NTM: variants seen among roughly 807,000 people sequenced by gnomAD.
NTM encodes the protein neurotrimin.
A neutral mutation model predicts 42.1 loss-of-function variants in NTM; 13 were observed. The ratio of observed to expected loss-of-function variants is 0.31; its 90% CI spans 0.20 to 0.49. NTM has a LOEUF of 0.49. Ranked by LOEUF, NTM falls within the 20% of genes least tolerant of loss-of-function variation. NTM has a pLI of 0.99. For synonymous variants in NTM, 187 were observed against 179.2 expected (o/e 1.04, Z -0.35); for missense variants, 373 against 452.8 (o/e 0.82, Z 1.60).
intron 2 of NTM, among the ~76,000 whole-genome samples, chr11:132,072,047 T>G (rs1330581866): frequency 6.6e-6 from 1 of 152,148 alleles, no homozygotes; most frequent in African/African-American, 2.4e-5. Context: ...AGTCTACTGG[T>G]ATGTTTCCTA....
chr11:131,603,453 C>A (rs557823353), intron 1 of NTM, among the ~76,000 whole-genome samples: 1 of 152,080 alleles, frequency 6.6e-6, no homozygotes, highest in African/African-American at 2.4e-5. Flanking sequence ...GTTTGAGTAG[C>A]GTGGCTTCCG....
At chr11:131,452,088 C>G (rs902496325) in intron 1 of NTM, among the ~76,000 whole-genome samples, 1 of 152,204 alleles carries the variant, frequency 6.6e-6, no homozygotes, top group Non-Finnish European at 1.5e-5. Flanking sequence ...TGGATTTGCA[C>G]CTGGGGCACA....
chr11:131,810,796 G>A (rs2092702566), intron 1 of NTM, among the ~76,000 whole-genome samples: 1 of 152,178 alleles, frequency 6.6e-6, no homozygotes, highest in Non-Finnish European at 1.5e-5. Flanking sequence ...GGATTGCCTA[G>A]TCAGCTCAGT....
chr11:131,795,045 G>T (rs2091402750), intron 1 of NTM: 1 of 919,198 alleles, frequency 1.1e-6, no homozygotes, highest in Admixed American at 6.2e-5. Context: ...CCAAAGGGGG[G>T]GAAAAAAACA....
At chr11:131,999,808 C>A (rs1263421767) in intron 2 of NTM, among the ~76,000 whole-genome samples, 2 of 152,138 alleles carry the variant, frequency 1.3e-5, no homozygotes, top group Non-Finnish European at 2.9e-5. Context: ...CTGATCAAAG[C>A]ATTCATTAAA....
At chr11:132,287,350 C>G (rs1343404969) in intron 4 of NTM, among the ~76,000 whole-genome samples, 3 of 152,166 alleles carry the variant, frequency 2.0e-5, no homozygotes, top group African/African-American at 7.2e-5. Context: ...ACATTGAGCT[C>G]AGGACCCGGA....
intron 1 of NTM, among the ~76,000 whole-genome samples, chr11:131,844,336 A>C (rs890046586): frequency 4.6e-5 from 7 of 151,756 alleles, no homozygotes; most frequent in Non-Finnish European, 8.8e-5. Context: ...CTGTTGGTTC[A>C]TTTGTCTTTC....
chr11:131,395,948 A>AG (rs1236405968), intron 1 of NTM, among the ~76,000 whole-genome samples: 2 of 152,208 alleles, frequency 1.3e-5, no homozygotes, highest in African/African-American at 4.8e-5. Flanking sequence ...CTCAAGCAAC[A>AG]ACCTGTGAGA....
chr11:131,820,322 G>A (rs1187155707), intron 1 of NTM, among the ~76,000 whole-genome samples: 2 of 152,144 alleles, frequency 1.3e-5, no homozygotes, highest in Non-Finnish European at 2.9e-5. Flanking sequence ...GTGGAGAGCA[G>A]GAGTCCTCCA....
At chr11:131,469,073 G>T (rs1315831710) in intron 1 of NTM, among the ~76,000 whole-genome samples, 1 of 152,162 alleles carries the variant, frequency 6.6e-6, no homozygotes, top group Non-Finnish European at 1.5e-5. Flanking sequence ...TCTTATCCTG[G>T]CAGAGCTGGC....
At chr11:131,911,785 C>A in intron 2 of NTM, 137 bp downstream of exon 2, 2 of 1,084,632 alleles carry the variant, frequency 1.8e-6, no homozygotes, top group South Asian at 1.4e-5. Flanking sequence ...CAATTTATGG[C>A]TGCGCTGGGG....
intron 2 of NTM, among the ~76,000 whole-genome samples, chr11:132,121,179 ATCACTAAAGTTGTCT>A (rs1158345843): frequency 6.6e-6 from 1 of 152,140 alleles, no homozygotes; most frequent in African/African-American, 2.4e-5. Flanking sequence ...ATTCATCTTA[ATCACTAAAGTTGTCT>A]CAGGCAATGA....
At chr11:132,042,673 G>A (rs79043385) in intron 2 of NTM, among the ~76,000 whole-genome samples, 5,034 of 152,276 alleles carry the variant, frequency 0.033, 290 homozygotes, top group African/African-American at 0.11. Context: ...TCAGAAGCTC[G>A]CAGACATCAT....
At chr11:132,147,719 C>G (rs2070854694) in intron 3 of NTM, among the ~76,000 whole-genome samples, 1 of 152,062 alleles carries the variant, frequency 6.6e-6, no homozygotes. Flanking sequence ...CCCTTTCAAC[C>G]AGGGACGTGT....
rs776958445 is a variant in NTM at position 131,903,288 on chromosome 11, G to T, written c.83-8276G>T. ...TATGGCTGGATGCCTAGCATAGACTGTATCTAGATAGCCATGTCCCAGCTA... is the reference window on the plus strand; with the variant it reads ...TATGGCTGGATGCCTAGCATAGACTTTATCTAGATAGCCATGTCCCAGCTA... On this transcript the variant is annotated intron_variant, in intron 1 of 8. Transcript: ENST00000683400. Among the ~76,000 whole-genome samples, 5 of 152,224 alleles carry T rather than the reference G, an allele frequency of 3.3e-5. No homozygotes were observed. The East Asian group carries it at 9.6e-4, about 29-fold the overall frequency.
intron 1 of NTM, among the ~76,000 whole-genome samples, chr11:131,711,139 T>C (rs941264810): frequency 8.5e-5 from 13 of 152,276 alleles, no homozygotes; most frequent in African/African-American, 3.1e-4. Flanking sequence ...TGGGATCTAA[T>C]TAAACTAAAG....
intron 1 of NTM, among the ~76,000 whole-genome samples, chr11:131,651,325 T>C (rs2066448537): frequency 6.6e-6 from 1 of 152,222 alleles, no homozygotes; most frequent in Non-Finnish European, 1.5e-5. Context: ...AAAAAACAAG[T>C]TGAATAAATA....
intron 1 of NTM, among the ~76,000 whole-genome samples, chr11:131,602,482 C>G (rs1271371794): frequency 2.0e-5 from 3 of 152,206 alleles, no homozygotes. Flanking sequence ...ACTTAATATT[C>G]ACTCCCCATA....
chr11:131,973,217 C>T (rs2063810359), intron 2 of NTM, among the ~76,000 whole-genome samples: 2 of 152,210 alleles, frequency 1.3e-5, no homozygotes, highest in Non-Finnish European at 2.9e-5. Context: ...TGTCATATCA[C>T]CTCTAATCCT....
Sources: gnomAD v4.1 joint callset for allele counts (sites outside exome capture counted in the v4.1 genomes callset) on GRCh38, gnomAD v4.1.1 for gene constraint, MANE v1.5 for transcripts, NCBI Gene and HGNC (gene_info 2026-07-23, HGNC 2026-07-21) for gene names.